The following LPP variants were observed in gnomAD, a reference collection of about 807,000 sequenced individuals.
The protein encoded by LPP is LIM domain containing preferred translocation partner in lipoma.
A neutral mutation model predicts 60.4 loss-of-function variants in LPP; 38 were observed. That is an observed-to-expected ratio of 0.63 (90% confidence interval 0.49 to 0.83). The LOEUF (loss-of-function observed/expected upper bound fraction) is 0.83, where lower values mean the gene tolerates loss of function less well. Ranked by LOEUF, LPP falls within the 40% of genes least tolerant of loss-of-function variation. The pLI is 0.00. For missense variants in LPP, 902 were observed against 783.6 expected, an observed-to-expected ratio of 1.15 and a Z score of -1.80; for synonymous variants, 328 against 290.8, an observed-to-expected ratio of 1.13 and a Z score of -1.30.
chr3:188,344,866 C>G (rs1034722744), intron 3 of LPP, among the ~76,000 whole-genome samples: 3 of 152,146 alleles, frequency 2.0e-5, no homozygotes, highest in Non-Finnish European at 4.4e-5. Flanking sequence ...ACATTGTTCC[C>G]TGATCTGGGT....
At chr3:188,401,456 G>A (rs1782226405) in intron 3 of LPP, among the ~76,000 whole-genome samples, 1 of 152,126 alleles carries the variant, frequency 6.6e-6, no homozygotes, top group African/African-American at 2.4e-5. Context: ...CAAAGTCCTG[G>A]TTAAGGGCTA....
intron 1 of LPP, among the ~76,000 whole-genome samples, chr3:188,184,032 G>T (rs549580560): frequency 5.1e-4 from 78 of 152,262 alleles, no homozygotes; most frequent in African/African-American, 1.8e-3. Context: ...GAGGTGTTCA[G>T]GCAGGGACCA....
At chr3:188,871,168 G>A (rs553999786) in intron 10 of LPP, among the ~76,000 whole-genome samples, 53 of 152,210 alleles carry the variant, frequency 3.5e-4, no homozygotes, top group African/African-American at 1.2e-3. Flanking sequence ...ATTGGAGAAG[G>A]CTTATGGATA....
chr3:188,176,674 G>A (rs1311059973), intron 1 of LPP, among the ~76,000 whole-genome samples: 1 of 152,056 alleles, frequency 6.6e-6, no homozygotes, highest in Non-Finnish European at 1.5e-5. Context: ...TAGTGGTATA[G>A]CAGTGCAGTA....
At chr3:188,438,546 GCTTA>G (rs1282207622) in intron 4 of LPP, among the ~76,000 whole-genome samples, 1 of 152,118 alleles carries the variant, frequency 6.6e-6, no homozygotes, top group East Asian at 1.9e-4. Context: ...TGGCCCCAGA[GCTTA>G]CTTACACGTG....
chr3:188,789,136 A>G (rs985862943), intron 9 of LPP, among the ~76,000 whole-genome samples: 2 of 151,882 alleles, frequency 1.3e-5, no homozygotes, highest in Admixed American at 1.3e-4. Context: ...TAATTAAGGT[A>G]TGTACATTGT....
At chr3:188,517,551 C>T (rs1262014043) in intron 5 of LPP, among the ~76,000 whole-genome samples, 1 of 152,130 alleles carries the variant, frequency 6.6e-6, no homozygotes, top group East Asian at 1.9e-4. Flanking sequence ...TTTCACACTA[C>T]TAATAAAGAC....
At chr3:188,256,196 C>T (rs1263679922) in intron 2 of LPP, among the ~76,000 whole-genome samples, 1 of 152,000 alleles carries the variant, frequency 6.6e-6, no homozygotes, top group Non-Finnish European at 1.5e-5. Flanking sequence ...TAATTAAGAA[C>T]TTTCAAATAG....
chr3:188,361,703 A>T (rs1769456353), intron 3 of LPP, among the ~76,000 whole-genome samples: 1 of 151,906 alleles, frequency 6.6e-6, no homozygotes, highest in African/African-American at 2.4e-5. Context: ...AGTAGCTGGG[A>T]TTACAGGCGC....
At position 188,223,001 on chromosome 3, in the gene LPP, G is replaced by A. The variant is rs190813136; in HGVS notation, c.-189-2404G>A. Reference sequence around the variant, plus strand: ...CCATTTATGGGCAACATGTGGAAGAGGTGGCAGGGAGCTGGGAGTTTGGAA... The same window carrying A: ...CCATTTATGGGCAACATGTGGAAGAAGTGGCAGGGAGCTGGGAGTTTGGAA... On this transcript the variant is annotated intron_variant, in intron 1 of 11. Coordinates refer to ENST00000617246, the MANE Select transcript of LPP (RefSeq NM_001375462.1). 5.9e-5 allele frequency among the ~76,000 whole-genome samples: 9 copies of A among 152,310 alleles called. No individual in the cohort carries two copies. The East Asian group carries it at 1.7e-3, about 29-fold the overall frequency.
chr3:188,624,792 T>TTCCTTCCC (rs1846491478), intron 7 of LPP, among the ~76,000 whole-genome samples: 1 of 146,246 alleles, frequency 6.8e-6, no homozygotes, highest in African/African-American at 2.5e-5. Flanking sequence ...CCTTCCTTCC[T>TTCCTTCCC]TCCTTCCTTC....
chr3:188,241,640 T>C (rs1485832043), intron 2 of LPP, among the ~76,000 whole-genome samples: 1 of 152,204 alleles, frequency 6.6e-6, no homozygotes, highest in Non-Finnish European at 1.5e-5. Context: ...TTTCTTTTAC[T>C]GAAAAATAAA....
intron 7 of LPP, among the ~76,000 whole-genome samples, chr3:188,626,299 A>G (rs1000450075): frequency 8.5e-5 from 13 of 152,176 alleles, no homozygotes; most frequent in African/African-American, 2.9e-4. Flanking sequence ...TTTACCTAGC[A>G]TTTACATTGT....
In LPP at chr3:188,462,043, G is replaced by A. The variant is rs574885924; in HGVS notation, c.194-22549G>A. 1.2e-4 allele frequency among the ~76,000 whole-genome samples: 19 copies of A among 152,116 alleles called. 1 individual carries two copies. Among genetic ancestry groups the A allele is most frequent in the Admixed American group, 3.9e-4 (6 of 15,270 alleles). The stretch of plus-strand genomic sequence containing the variant: ...ATACTTGCATTAGTAATATTTAATA[G>A]TGCCTATTGCTTTGTTTTAAAAAAT... On this transcript the variant is annotated intron_variant, in intron 4 of 11. Coordinates refer to ENST00000617246, the MANE Select transcript of LPP (RefSeq NM_001375462.1).
chr3:188,247,079 G>C, intron 2 of LPP: 1 of 497,774 alleles, frequency 2.0e-6, no homozygotes, highest in Non-Finnish European at 2.6e-6. Context: ...ACTGAGTTCA[G>C]ATCACTCTAA....
intron 9 of LPP, among the ~76,000 whole-genome samples, chr3:188,796,055 C>T (rs1033949080): frequency 6.6e-6 from 1 of 152,184 alleles, no homozygotes; most frequent in Non-Finnish European, 1.5e-5. Flanking sequence ...TGAGCAAAAA[C>T]AGACAAGTGG....
At chr3:188,359,546 G>A (rs1439281581) in intron 3 of LPP, among the ~76,000 whole-genome samples, 1 of 152,138 alleles carries the variant, frequency 6.6e-6, no homozygotes, top group Non-Finnish European at 1.5e-5. Flanking sequence ...GCAGTAAGTG[G>A]ACTGTAAAGA....
chr3:188,656,295 CA>C (rs1853200983), intron 7 of LPP, among the ~76,000 whole-genome samples: 1 of 151,748 alleles, frequency 6.6e-6, no homozygotes, highest in Non-Finnish European at 1.5e-5. Flanking sequence ...GTTCTGAAGA[CA>C]AACCTGACTG....
chr3:188,655,962 G>A (rs2149036914), intron 7 of LPP, among the ~76,000 whole-genome samples: 1 of 151,938 alleles, frequency 6.6e-6, no homozygotes, highest in Non-Finnish European at 1.5e-5. Flanking sequence ...GGCCAAGGTG[G>A]GTGGATTACC....
Sources: gnomAD v4.1 joint callset for allele counts (sites outside exome capture counted in the v4.1 genomes callset) on GRCh38, gnomAD v4.1.1 for gene constraint, MANE v1.5 for transcripts, NCBI Gene and HGNC (gene_info 2026-07-23, HGNC 2026-07-21) for gene names.